Variants in THRB observed in about 807,000 individuals in gnomAD.
THRB encodes the protein thyroid hormone receptor beta, also known as nuclear receptor subfamily 1 group A member 2.
THRB carries 12 observed loss-of-function variants against 47.8 expected under a neutral mutation model. The ratio of observed to expected loss-of-function variants is 0.25; its 90% confidence interval spans 0.16 to 0.41. The LOEUF is 0.41. THRB is among the 10% of genes least tolerant of loss of function. The pLI is 1.00. For synonymous variants in THRB, 218 were observed against 212.2 expected (o/e 1.03, Z -0.24); for missense variants, 348 against 589.2 (o/e 0.59, Z 4.24).
At chr3:24,353,680 C>G (rs890427555) in intron 1 of THRB, among the ~76,000 whole-genome samples, 1 of 151,866 alleles carries the variant, frequency 6.6e-6, no homozygotes, top group African/African-American at 2.4e-5. Flanking sequence ...ATATATTAGG[C>G]GATTCCATAT....
At chr3:24,326,531 C>T (rs980110040) in intron 2 of THRB, among the ~76,000 whole-genome samples, 2 of 152,088 alleles carry the variant, frequency 1.3e-5, no homozygotes, top group Non-Finnish European at 2.9e-5. Context: ...TCACCGTTCC[C>T]GGCCAGTTAC....
chr3:24,351,118 T>C (rs1176669586), intron 1 of THRB, among the ~76,000 whole-genome samples: 5 of 152,128 alleles, frequency 3.3e-5, no homozygotes, highest in African/African-American at 9.7e-5. Flanking sequence ...TGTATAGTTG[T>C]AGATCAGCAC....
intron 3 of THRB, among the ~76,000 whole-genome samples, chr3:24,261,513 AAAAAAC>A (rs1230470079): frequency 6.8e-4 from 102 of 150,140 alleles, no homozygotes; most frequent in African/African-American, 2.4e-3. Context: ...AAAAAAAAAA[AAAAAAC>A]CAAAAAAAAC....
intron 5 of THRB, among the ~76,000 whole-genome samples, chr3:24,159,518 C>T (rs144439787): frequency 9.4e-4 from 143 of 152,194 alleles, no homozygotes; most frequent in African/African-American, 3.2e-3. Flanking sequence ...TTTTGACAGA[C>T]GTCAATATAT....
At chr3:24,330,811 G>A (rs1341208976) in intron 2 of THRB, among the ~76,000 whole-genome samples, 3 of 152,216 alleles carry the variant, frequency 2.0e-5, no homozygotes, top group Admixed American at 2.0e-4. Context: ...AATGCAATCA[G>A]AGGGGGTTAA....
intron 1 of THRB, among the ~76,000 whole-genome samples, chr3:24,415,198 G>T (rs1399374518): frequency 6.6e-6 from 1 of 151,864 alleles, no homozygotes; most frequent in Non-Finnish European, 1.5e-5. Flanking sequence ...TGCATGTACA[G>T]GTGTTCCCTG....
chr3:24,423,187 C>A (rs1336257006), intron 1 of THRB, among the ~76,000 whole-genome samples: 4 of 151,856 alleles, frequency 2.6e-5, no homozygotes, highest in Non-Finnish European at 5.9e-5. Flanking sequence ...ACCAATGAAG[C>A]AAAACCTGCC....
intron 1 of THRB, among the ~76,000 whole-genome samples, chr3:24,468,094 G>T (rs1236316964): frequency 1.3e-5 from 2 of 152,146 alleles, no homozygotes; most frequent in Admixed American, 6.5e-5. Context: ...TTTATGTTAT[G>T]GAGACAGCAT....
Position 24,448,851 on chromosome 3 carries a change from C to A in THRB, c.-261+45801G>T, listed in dbSNP as rs187621463. The stretch of plus-strand genomic sequence containing the variant: ...TGGCTTTGGAGAGTAAGAACACAAG[C>A]CAGCAGATGACAGGGAAGGACTCTA... On this transcript the variant is annotated intron_variant, in intron 1 of 10. Coordinates refer to ENST00000646209, the MANE Select transcript of THRB (RefSeq NM_001354712.2). 1.1e-4 allele frequency among the ~76,000 whole-genome samples: 17 copies of A among 152,214 alleles called. No individual in the cohort carries two copies. In the South Asian group the frequency reaches 1.9e-3, roughly 17 times the overall value.
intron 3 of THRB, among the ~76,000 whole-genome samples, chr3:24,278,954 T>TC (rs11436014): frequency 0.054 from 8,162 of 152,062 alleles, 710 homozygotes; most frequent in African/African-American, 0.18. Context: ...AAGTGATCCT[T>TC]CCCCCTCAGC....
At chr3:24,363,384 T>C (rs892392329) in intron 1 of THRB, among the ~76,000 whole-genome samples, 1 of 152,130 alleles carries the variant, frequency 6.6e-6, no homozygotes, top group Admixed American at 6.6e-5. Flanking sequence ...ATAAATCAGA[T>C]AGAATTCAAC....
chr3:24,231,361 G>A (rs2048244804), intron 3 of THRB, among the ~76,000 whole-genome samples: 1 of 152,086 alleles, frequency 6.6e-6, no homozygotes, highest in African/African-American at 2.4e-5. Flanking sequence ...AAATTATTGT[G>A]TGTGGGGCGG....
At chr3:24,427,701 A>G (rs2069907652) in intron 1 of THRB, among the ~76,000 whole-genome samples, 1 of 151,994 alleles carries the variant, frequency 6.6e-6, no homozygotes, top group Non-Finnish European at 1.5e-5. Flanking sequence ...TCATATATTG[A>G]CTCATATTTT....
intron 2 of THRB, among the ~76,000 whole-genome samples, chr3:24,333,672 G>A (rs1319465321): frequency 6.6e-6 from 1 of 152,202 alleles, no homozygotes; most frequent in African/African-American, 2.4e-5. Context: ...AAAATGTCCT[G>A]CTTATTTAAA....
chr3:24,487,540 A>C (rs1197188334), intron 1 of THRB, among the ~76,000 whole-genome samples: 1 of 152,216 alleles, frequency 6.6e-6, no homozygotes, highest in African/African-American at 2.4e-5. Context: ...GCAGTAAAAG[A>C]AGCAAAAAGT....
At chr3:24,352,089 A>G (rs1403157905) in intron 1 of THRB, among the ~76,000 whole-genome samples, 3 of 152,166 alleles carry the variant, frequency 2.0e-5, no homozygotes, top group East Asian at 1.9e-4. Context: ...TTGAGGGTGT[A>G]AAGTCTTTCT....
intron 1 of THRB, among the ~76,000 whole-genome samples, chr3:24,409,840 T>C (rs1254685043): frequency 6.6e-6 from 1 of 151,808 alleles, no homozygotes; most frequent in African/African-American, 2.4e-5. Flanking sequence ...GTTCCTGAAC[T>C]CACTGGGTAA....
At chr3:24,433,853 C>A (rs1209953415) in intron 1 of THRB, among the ~76,000 whole-genome samples, 1 of 152,148 alleles carries the variant, frequency 6.6e-6, no homozygotes, top group African/African-American at 2.4e-5. Context: ...GGGGAAAAGA[C>A]CCTGGATGGG....
chr3:24,175,049 T>G (rs1380748132), intron 5 of THRB, among the ~76,000 whole-genome samples: 1 of 152,246 alleles, frequency 6.6e-6, no homozygotes, highest in Non-Finnish European at 1.5e-5. Context: ...TCATCTGTCC[T>G]CTTTGATGAG....
Sources: gnomAD v4.1 joint callset for allele counts (sites outside exome capture counted in the v4.1 genomes callset) on GRCh38, gnomAD v4.1.1 for gene constraint, MANE v1.5 for transcripts, NCBI Gene and HGNC (gene_info 2026-07-23, HGNC 2026-07-21) for gene names.